The following MAP3K13 variants were observed in gnomAD, a reference collection of about 807,000 sequenced individuals.
MAP3K13 encodes mitogen-activated protein kinase kinase kinase 13.
MAP3K13 carries 52 observed loss-of-function variants against 104.0 expected under a neutral mutation model. The ratio of observed to expected loss-of-function variants is 0.50; its 90% CI spans 0.40 to 0.63. The LOEUF (loss-of-function observed/expected upper bound fraction) is 0.63. Ranked by LOEUF, MAP3K13 falls within the 20% of genes least tolerant of loss-of-function variation. MAP3K13 has a pLI of 0.00. For missense variants in MAP3K13, 914 were observed against 1,218.5 expected, an observed-to-expected ratio of 0.75 and a Z score of 3.72; for synonymous variants, 394 against 442.2, an observed-to-expected ratio of 0.89 and a Z score of 1.37.
chr3:185,295,842 G>A (rs941537633), intron 2 of MAP3K13, among the ~76,000 whole-genome samples: 1 of 152,166 alleles, frequency 6.6e-6, no homozygotes, highest in Non-Finnish European at 1.5e-5. Context: ...CTGGCAAATA[G>A]TAGGGATTCA....
chr3:185,482,204 C>G lies in MAP3K13; in HGVS notation c.2800-151C>G. 3.2e-6 allele frequency: 2 copies of G among 618,822 alleles called. No individual in the cohort carries two copies. The highest frequency in any genetic ancestry group is 3.9e-5 in the South Asian group (2 of 51,590). 38.3% of individuals were successfully genotyped at this position (618,822 alleles called of 1,614,324 possible). ...AGCAATCATAATCATCATGTGTTTT[C>G]TTTCTCCATAAGTCCCACAAGGACA... On this transcript the variant is annotated intron_variant, in intron 13 of 13. Coordinates refer to ENST00000265026, the MANE Select transcript of MAP3K13 (RefSeq NM_004721.5). The surrounding 1 kb of genome is among the most constrained non-coding windows in gnomAD (Gnocchi z 4.5).
chr3:185,317,736 G>A (rs1239149100), intron 2 of MAP3K13, among the ~76,000 whole-genome samples: 2 of 151,990 alleles, frequency 1.3e-5, no homozygotes, highest in Admixed American at 1.3e-4. Context: ...ATTTATACTT[G>A]ATCTCTTCTT....
At chr3:185,350,576 C>T (rs1339159301) in intron 2 of MAP3K13, among the ~76,000 whole-genome samples, 1 of 152,086 alleles carries the variant, frequency 6.6e-6, no homozygotes, top group East Asian at 1.9e-4. Context: ...TTTGTTCATC[C>T]TTGTTTTAAT....
chr3:185,298,607 T>A (rs1720996367), intron 2 of MAP3K13, among the ~76,000 whole-genome samples: 1 of 152,212 alleles, frequency 6.6e-6, no homozygotes, highest in Admixed American at 6.5e-5. Context: ...AAGTCAAGTA[T>A]CTCCTCATTT....
At chr3:185,336,693 C>T (rs1395941105) in intron 2 of MAP3K13, among the ~76,000 whole-genome samples, 1 of 150,724 alleles carries the variant, frequency 6.6e-6, no homozygotes, top group Non-Finnish European at 1.5e-5. Flanking sequence ...CTGAATAGGG[C>T]TTACTAGATA....
At chr3:185,390,359 A>G (rs1335880057) in intron 1 of MAP3K13, among the ~76,000 whole-genome samples, 1 of 152,210 alleles carries the variant, frequency 6.6e-6, no homozygotes, top group Non-Finnish European at 1.5e-5. Flanking sequence ...AGGTGGAGTC[A>G]GCATTCAGTT....
At position 185,482,194 on chromosome 3, in the gene MAP3K13, C is replaced by G. The variant is rs1718501773; in HGVS notation, c.2800-161C>G. Reference sequence around the variant, plus strand: ...TTATTGTCGTAGCAATCATAATCATCATGTGTTTTCTTTCTCCATAAGTCC... The same window carrying G: ...TTATTGTCGTAGCAATCATAATCATGATGTGTTTTCTTTCTCCATAAGTCC... On this transcript the variant is annotated intron_variant, in intron 13 of 13. Coordinates refer to ENST00000265026, the MANE Select transcript of MAP3K13 (RefSeq NM_004721.5). This position sits in a 1 kb window ranked among gnomAD's most constrained non-coding sequence, Gnocchi z 4.5. 6.6e-6 allele frequency among the ~76,000 whole-genome samples: 1 copy of G among 152,256 alleles called. No individual in the cohort carries two copies. The highest frequency in any genetic ancestry group is 2.4e-5 in the African/African-American group (1 of 41,478).
chr3:185,389,272 T>A (rs1482439119), intron 1 of MAP3K13, among the ~76,000 whole-genome samples: 1 of 152,184 alleles, frequency 6.6e-6, no homozygotes, highest in Non-Finnish European at 1.5e-5. Flanking sequence ...GTTTGGCCTC[T>A]AAAGTGAGAC....
chr3:185,435,739 A>G (rs1443181987), intron 2 of MAP3K13, among the ~76,000 whole-genome samples: 2 of 152,216 alleles, frequency 1.3e-5, no homozygotes, highest in African/African-American at 4.8e-5. Context: ...GGTTTTAGCA[A>G]TTGTAATGAG....
intron 7 of MAP3K13, among the ~76,000 whole-genome samples, chr3:185,455,224 G>GATATATATGAGATATATATATT (rs1716417939): frequency 4.4e-5 from 2 of 45,072 alleles, no homozygotes; most frequent in African/African-American, 6.6e-5. Flanking sequence ...ATATATATAT[G>GATATATATGAGATATATATATT]ATATATATGA....
In MAP3K13 at chr3:185,417,990, C is replaced by T. The variant is rs150080578; in HGVS notation, c.-85-10507C>T. 3.9e-4 allele frequency: 631 copies of T among 1,610,858 alleles called. 4 individuals carry two copies. In the African/African-American group the frequency reaches 6.9e-3, roughly 18 times the overall value. ...AAGCGGCTTTACGCCAAGTGCCATA[C>T]AATTCATCTAACTTCCGGAAAGCAC... On this transcript the variant is annotated intron_variant, in intron 1 of 13. Coordinates refer to ENST00000265026, the MANE Select transcript of MAP3K13 (RefSeq NM_004721.5).
chr3:185,428,662 A>G lies in MAP3K13; in HGVS notation c.81A>G (p.Leu27=). 2 of 1,614,156 alleles carry G rather than the reference A, an allele frequency of 1.2e-6. No homozygotes were observed. Among genetic ancestry groups the G allele is most frequent in the Non-Finnish European group, 1.7e-6 (2 of 1,180,018 alleles). ...PFSESKTFNG[L]QDELTAMGNH... The stretch of plus-strand genomic sequence containing the variant: ...GTGAAAGCAAAACCTTCAATGGACT[A>G]CAAGATGAGCTCACAGCTATGGGGA... The change falls in exon 2 of 14, where the codon CTA becomes CTG. Residue 27 remains leucine, a synonymous_variant. Transcript: ENST00000265026.
chr3:185,432,255 ATCT>A (rs1714786844), intron 2 of MAP3K13, among the ~76,000 whole-genome samples: 1 of 119,204 alleles, frequency 8.4e-6, no homozygotes, highest in South Asian at 2.8e-4. Flanking sequence ...AATGGGTGTG[ATCT>A]TGGCTCACTG....
chr3:185,308,023 T>TTTTTTTTTTTTTTTTC, intron 2 of MAP3K13, among the ~76,000 whole-genome samples: 1 of 145,862 alleles, frequency 6.9e-6, no homozygotes, highest in Admixed American at 6.9e-5. Context: ...TTTTTTTTTT[T>TTTTTTTTTTTTTTTTC]TTTTTTTTTG....
intron 4 of MAP3K13, among the ~76,000 whole-genome samples, chr3:185,444,103 G>A (rs560425243): frequency 1.2e-4 from 19 of 152,326 alleles, no homozygotes; most frequent in African/African-American, 4.6e-4. Flanking sequence ...GGGAGGCCAA[G>A]GTGGGTGGAT....
chr3:185,324,318 G>A (rs1489622475), intron 2 of MAP3K13, among the ~76,000 whole-genome samples: 2 of 152,004 alleles, frequency 1.3e-5, no homozygotes, highest in African/African-American at 4.8e-5. Context: ...GCGCCCAGCC[G>A]AGTGCCTTTT....
chr3:185,447,998 C>T, intron 5 of MAP3K13, 51 bp downstream of exon 5: 1 of 1,552,980 alleles, frequency 6.4e-7, no homozygotes, highest in South Asian at 1.2e-5. Context: ...CCCACTTTCG[C>T]CCTATTAGCA....
At chr3:185,342,755 T>C (rs1722766398) in intron 2 of MAP3K13, among the ~76,000 whole-genome samples, 1 of 152,222 alleles carries the variant, frequency 6.6e-6, no homozygotes, top group Non-Finnish European at 1.5e-5. Context: ...TTTCTCTTAC[T>C]GCGTAACAAT....
chr3:185,340,975 A>T (rs1722698409), intron 2 of MAP3K13, among the ~76,000 whole-genome samples: 1 of 152,156 alleles, frequency 6.6e-6, no homozygotes, highest in East Asian at 1.9e-4. Context: ...CTATTACACC[A>T]TCCTATCCAG....
Sources: allele counts gnomAD v4.1 joint callset (sites outside exome capture counted in the v4.1 genomes callset), GRCh38; gene constraint gnomAD v4.1.1; non-coding constraint Gnocchi (gnomAD v3.1); transcripts MANE v1.5; gene names NCBI Gene and HGNC (gene_info 2026-07-23, HGNC 2026-07-21).